NGLY1: variants seen among roughly 807,000 people sequenced by gnomAD.
NGLY1 encodes peptide-N(4)-(N-acetyl-beta-glucosaminyl)asparagine amidase.
Under a neutral mutation model 84.6 loss-of-function variants are expected in NGLY1, and 68 were observed. The observed-to-expected ratio is 0.80, with a 90% confidence interval of 0.66 to 0.98. The LOEUF (loss-of-function observed/expected upper bound fraction) is 0.98, where lower values mean the gene tolerates loss of function less well. Among genes scored for constraint, NGLY1 ranks in the 50% least tolerant of loss-of-function variants. The probability of loss-of-function intolerance (pLI) is 0.00; values close to 1 mark genes in which losing one functional copy is unlikely to be tolerated. For missense variants in NGLY1, 779 were observed against 770.2 expected (o/e 1.01, Z -0.14); for synonymous variants, 280 against 275.2 (o/e 1.02, Z -0.17).
At position 25,739,818 on chromosome 3, in the gene NGLY1, A is replaced by G. The variant is rs1432117514; in HGVS notation, c.659-19T>C. 2 of 1,590,910 alleles carry G rather than the reference A, an allele frequency of 1.3e-6. No homozygotes were observed. Among genetic ancestry groups the G allele is most frequent in the Admixed American group, 1.7e-5 (1 of 59,542 alleles). On this transcript the variant is annotated intron_variant, in intron 4 of 11. Coordinates refer to ENST00000280700, the MANE Select transcript of NGLY1 (RefSeq NM_018297.4). ...TTGATACCTGAGAAATTAAGGGAGG[A>G]CCAAGTAAGAGCTAAAACTGACAAA...
At chr3:25,738,872 C>A (rs551183308) in intron 5 of NGLY1, among the ~76,000 whole-genome samples, 1 of 152,038 alleles carries the variant, frequency 6.6e-6, no homozygotes, top group Non-Finnish European at 1.5e-5. Flanking sequence ...TACAACCAGA[C>A]TTTATAAACA....
At chr3:25,739,273 A>T (rs1289125388) in intron 5 of NGLY1, among the ~76,000 whole-genome samples, 1 of 152,238 alleles carries the variant, frequency 6.6e-6, no homozygotes, top group Non-Finnish European at 1.5e-5. Flanking sequence ...TTCCTATAAA[A>T]GACAGATGGT....
At chr3:25,790,015 G>A (rs749930349) in exon 1 of NGLY1, 76 of 939,266 alleles carry the variant, frequency 8.1e-5, no homozygotes, top group Non-Finnish European at 1.2e-4. Context: ...AAAGAGAGTC[G>A]AACGGGACGC....
At chr3:25,762,492 A>T (rs959465909) in intron 3 of NGLY1, among the ~76,000 whole-genome samples, 1 of 152,222 alleles carries the variant, frequency 6.6e-6, no homozygotes, top group African/African-American at 2.4e-5. Flanking sequence ...ATTGATATAC[A>T]CTAGCCTACT....
intron 2 of NGLY1, among the ~76,000 whole-genome samples, chr3:25,775,312 G>C (rs1425344650): frequency 6.6e-6 from 1 of 152,216 alleles, no homozygotes; most frequent in Non-Finnish European, 1.5e-5. Flanking sequence ...TCCAAAATCA[G>C]CATATTGAAG....
intron 5 of NGLY1, among the ~76,000 whole-genome samples, chr3:25,738,323 C>T (rs1317460158): frequency 6.6e-6 from 1 of 152,074 alleles, no homozygotes; most frequent in East Asian, 1.9e-4. Context: ...AAGGTGCCTG[C>T]TAATTTGGAA....
intron 4 of NGLY1, among the ~76,000 whole-genome samples, chr3:25,744,335 C>A (rs1257189163): frequency 6.6e-6 from 1 of 152,200 alleles, no homozygotes; most frequent in Non-Finnish European, 1.5e-5. Context: ...TCATGACAAA[C>A]CTTCAGTCTA....
At chr3:25,754,897 C>T in intron 3 of NGLY1, 1 of 682,482 alleles carries the variant, frequency 1.5e-6, no homozygotes, top group Non-Finnish European at 2.7e-6. Flanking sequence ...AATAGGCTCT[C>T]TCTCCGGATA....
chr3:25,736,238 ATAAAG>A lies in NGLY1; in HGVS notation c.1004-94_1004-90del, dbSNP rs1404509702. The stretch of plus-strand genomic sequence containing the variant: ...AACTATACACAAACTCCTAAGAATC[ATAAAG>A]TAATGCATAATATTCTGAATTTCAG... On this transcript the variant is annotated intron_variant, in intron 6 of 11. Transcript: ENST00000280700. 2.6e-5 allele frequency: 40 copies of A among 1,559,384 alleles called. No individual in the cohort carries two copies. The Admixed American group carries it at 5.8e-4, about 23-fold the overall frequency.
At chr3:25,770,146 A>G (rs1485403477) in intron 2 of NGLY1, among the ~76,000 whole-genome samples, 1 of 152,094 alleles carries the variant, frequency 6.6e-6, no homozygotes, top group Non-Finnish European at 1.5e-5. Flanking sequence ...AGTAGTATTC[A>G]TAGTATTCCA....
chr3:25,731,658 C>T (rs1705541408), intron 9 of NGLY1, among the ~76,000 whole-genome samples: 1 of 152,012 alleles, frequency 6.6e-6, no homozygotes, highest in Non-Finnish European at 1.5e-5. Flanking sequence ...TTCAGAGCAG[C>T]ACCATTTATA....
intron 7 of NGLY1, chr3:25,734,374 T>C (rs1705711456): frequency 6.5e-6 from 1 of 153,522 alleles, no homozygotes; most frequent in African/African-American, 2.4e-5. Flanking sequence ...CAGCCTTAAA[T>C]GCAATTTTTA....
At chr3:25,735,741 C>CTCG in intron 7 of NGLY1, 2 of 300,846 alleles carry the variant, frequency 6.6e-6, no homozygotes, top group South Asian at 5.9e-5. Flanking sequence ...CCTGAGTGTT[C>CTCG]ATGGCAGCTT....
chr3:25,727,819 A>T (rs1202982724), intron 10 of NGLY1, among the ~76,000 whole-genome samples: 1 of 152,166 alleles, frequency 6.6e-6, no homozygotes, highest in Non-Finnish European at 1.5e-5. Context: ...CCCCATCATT[A>T]CTACTTTACT....
chr3:25,773,141 G>A (rs1707979455), intron 2 of NGLY1, among the ~76,000 whole-genome samples: 1 of 152,146 alleles, frequency 6.6e-6, no homozygotes, highest in Admixed American at 6.5e-5. Context: ...TTTCCCAGGT[G>A]TTCTTTGAGC....
At chr3:25,787,136 CTT>C (rs1385498842), upstream of NGLY1, among the ~76,000 whole-genome samples, 1 of 152,298 alleles carries the variant, frequency 6.6e-6, no homozygotes, top group East Asian at 1.9e-4. Flanking sequence ...TAACAGTAAA[CTT>C]TGAGAACTAC....
chr3:25,779,643 A>G (rs747459388), intron 1 of NGLY1, among the ~76,000 whole-genome samples: 1 of 151,750 alleles, frequency 6.6e-6, no homozygotes, highest in Non-Finnish European at 1.5e-5. Context: ...CTAGCAAATG[A>G]CTTATCAACT....
At position 25,764,126 on chromosome 3, in the gene NGLY1, C is replaced by T. The variant is rs767784114; in HGVS notation, c.432G>A (p.Gly144=). ...LPTTPSSNPS[G]LNQHTRNRQG... ...GACGGTTCCTTGTGTGCTGGTTTAA[C>T]CCACTGGGATTTGAAGATGGTGTTG... The change falls in exon 3 of 12, where the codon GGG becomes GGA. Residue 144 remains glycine (G), a synonymous_variant. Transcript: ENST00000280700. The T allele has an allele frequency of 2.5e-6, 4 of 1,614,028 alleles. No individual in the cohort carries two copies. Among genetic ancestry groups the T allele is most frequent in the Non-Finnish European group, 2.5e-6 (3 of 1,180,042 alleles).
intron 4 of NGLY1, 95 bp from the exon 5 acceptor site, chr3:25,739,894 G>A: frequency 1.1e-6 from 1 of 904,624 alleles, no homozygotes; most frequent in Non-Finnish European, 1.6e-6. Flanking sequence ...TGAAAAATAT[G>A]AAAACATAAG....
Sources: gnomAD v4.1 joint callset for allele counts (sites outside exome capture counted in the v4.1 genomes callset) on GRCh38, gnomAD v4.1.1 for gene constraint, MANE v1.5 for transcripts, NCBI Gene and HGNC (gene_info 2026-07-23, HGNC 2026-07-21) for gene names.